Variants in HECW1 observed in about 807,000 individuals in gnomAD.
The protein encoded by HECW1 is HECT, C2 and WW domain containing E3 ubiquitin protein ligase 1, also known as E3 ubiquitin-protein ligase HECW1.
In HECW1, 61 loss-of-function variants were observed where a neutral mutation model predicts 182.3. The observed-to-expected ratio is 0.33, with a 90% CI of 0.27 to 0.41. The LOEUF (loss-of-function observed/expected upper bound fraction) is 0.41. Among genes scored for constraint, HECW1 ranks in the 10% least tolerant of loss-of-function variants. The pLI, the probability that HECW1 is intolerant of heterozygous loss-of-function variation, is 1.00. For missense variants in HECW1, 1,739 were observed against 2,108.9 expected, an observed-to-expected ratio of 0.82 and a Z score of 3.44; for synonymous variants, 859 against 832.6, an observed-to-expected ratio of 1.03 and a Z score of -0.55.
chr7:43,439,098 A>G (rs532329523), intron 9 of HECW1: 1 of 152,390 alleles, frequency 6.6e-6, no homozygotes, highest in South Asian at 2.1e-4. Context: ...CACGTGTCAC[A>G]TGCAGTGTTT....
At chr7:43,397,703 G>A (rs2075275425) in intron 7 of HECW1, among the ~76,000 whole-genome samples, 2 of 152,130 alleles carry the variant, frequency 1.3e-5, no homozygotes, top group Admixed American at 6.6e-5. Context: ...TGGGGAGGGT[G>A]TATTGTCATA....
chr7:43,546,805 A>G (rs1320972135), intron 26 of HECW1, among the ~76,000 whole-genome samples: 1 of 152,150 alleles, frequency 6.6e-6, no homozygotes, highest in Non-Finnish European at 1.5e-5. Flanking sequence ...GGATAAGGGC[A>G]ATCCTGATCA....
chr7:43,128,960 C>G (rs1222282254), intron 2 of HECW1, among the ~76,000 whole-genome samples: 2 of 152,136 alleles, frequency 1.3e-5, no homozygotes, highest in Admixed American at 1.3e-4. Flanking sequence ...CTGATTGCTG[C>G]AATATCATGA....
chr7:43,452,490 C>A (rs1193492944), intron 12 of HECW1, among the ~76,000 whole-genome samples: 2 of 152,164 alleles, frequency 1.3e-5, no homozygotes, highest in African/African-American at 4.8e-5. Flanking sequence ...ATGAATCCTA[C>A]CAACTGAATA....
At chr7:43,490,857 A>G (rs545610621) in intron 17 of HECW1, among the ~76,000 whole-genome samples, 2 of 152,268 alleles carry the variant, frequency 1.3e-5, no homozygotes. Flanking sequence ...TCCTGGGTTC[A>G]AGGGATTCTC....
At chr7:43,133,207 G>A (rs971012710) in intron 2 of HECW1, among the ~76,000 whole-genome samples, 1 of 151,446 alleles carries the variant, frequency 6.6e-6, no homozygotes, top group African/African-American at 2.4e-5. Flanking sequence ...AATGTGTTTA[G>A]TTTTATATAT....
chr7:43,174,058 C>A (rs535678167), intron 2 of HECW1, among the ~76,000 whole-genome samples: 7 of 152,196 alleles, frequency 4.6e-5, no homozygotes, highest in African/African-American at 1.7e-4. Flanking sequence ...CCAGGCTGAT[C>A]TTGAACTCCT....
intron 3 of HECW1, among the ~76,000 whole-genome samples, chr7:43,292,588 G>A (rs1805526388): frequency 6.6e-6 from 1 of 152,230 alleles, no homozygotes; most frequent in South Asian, 2.1e-4. Flanking sequence ...GCCTGAGAGG[G>A]AGCTCAGGGG....
At chr7:43,475,977 C>T (rs2078207202) in intron 16 of HECW1, among the ~76,000 whole-genome samples, 1 of 152,048 alleles carries the variant, frequency 6.6e-6, no homozygotes, top group Non-Finnish European at 1.5e-5. Flanking sequence ...AGTAGTTTTC[C>T]CTTAAAAATC....
intron 5 of HECW1, among the ~76,000 whole-genome samples, chr7:43,328,713 A>T (rs569612938): frequency 1.3e-4 from 20 of 152,240 alleles, no homozygotes; most frequent in Non-Finnish European, 2.6e-4. Flanking sequence ...AGCCAGAAAG[A>T]TATAACCGGA....
intron 7 of HECW1, among the ~76,000 whole-genome samples, chr7:43,399,749 A>G (rs1343404122): frequency 6.6e-6 from 1 of 152,068 alleles, no homozygotes; most frequent in East Asian, 1.9e-4. Flanking sequence ...CAAACACATC[A>G]TTTTTCTTAC....
chr7:43,322,767 C>A (rs575387433), intron 5 of HECW1, among the ~76,000 whole-genome samples: 12 of 152,244 alleles, frequency 7.9e-5, no homozygotes, highest in African/African-American at 2.6e-4. Flanking sequence ...AGACATAATA[C>A]TCGAATGTGT....
chr7:43,217,029 A>C (rs1796510339), intron 2 of HECW1, among the ~76,000 whole-genome samples: 1 of 152,146 alleles, frequency 6.6e-6, no homozygotes, highest in African/African-American at 2.4e-5. Context: ...GTCTGATCAT[A>C]GTGGCAGCAT....
At chr7:43,465,626 G>A (rs995072198) in intron 14 of HECW1, among the ~76,000 whole-genome samples, 32 of 152,234 alleles carry the variant, frequency 2.1e-4, no homozygotes, top group African/African-American at 7.5e-4. Context: ...AAGGGGAAGA[G>A]CAGCGAAGTC....
At chr7:43,300,651 T>TTAGC (rs1806636757) in intron 3 of HECW1, among the ~76,000 whole-genome samples, 1 of 152,194 alleles carries the variant, frequency 6.6e-6, no homozygotes, top group Non-Finnish European at 1.5e-5. Context: ...TGAATTTATA[T>TTAGC]CAGATATGGC....
intron 2 of HECW1, among the ~76,000 whole-genome samples, chr7:43,169,793 A>G (rs1188230657): frequency 7.0e-6 from 1 of 143,196 alleles, no homozygotes; most frequent in Non-Finnish European, 1.5e-5. Context: ...GGTTCACGCC[A>G]TTCTCCTGCC....
chr7:43,253,231 A>T (rs1304134347), intron 3 of HECW1, among the ~76,000 whole-genome samples: 1 of 152,194 alleles, frequency 6.6e-6, no homozygotes, highest in Non-Finnish European at 1.5e-5. Context: ...GAATGAGGAC[A>T]GTAACAGAGA....
chr7:43,448,113 C>A (rs1206725132), intron 11 of HECW1, among the ~76,000 whole-genome samples: 1 of 151,568 alleles, frequency 6.6e-6, no homozygotes, highest in Non-Finnish European at 1.5e-5. Context: ...CCCAACTGGG[C>A]AACAAGAGCA....
At chr7:43,316,107 TC>T (rs1279933155) in intron 4 of HECW1, among the ~76,000 whole-genome samples, 1 of 152,170 alleles carries the variant, frequency 6.6e-6, no homozygotes, top group African/African-American at 2.4e-5. Flanking sequence ...ATTACTTGTT[TC>T]TTAGGTATGT....
Sources: allele counts gnomAD v4.1 joint callset (sites outside exome capture counted in the v4.1 genomes callset), GRCh38; gene constraint gnomAD v4.1.1; transcripts MANE v1.5; gene names NCBI Gene and HGNC (gene_info 2026-07-23, HGNC 2026-07-21).